KIF26B: variants seen among roughly 807,000 people sequenced by gnomAD.
The protein encoded by KIF26B is kinesin-like protein KIF26B.
A neutral mutation model predicts 151.2 loss-of-function variants in KIF26B; 63 were observed. That is an observed-to-expected ratio of 0.42 (90% CI 0.34 to 0.51). KIF26B has a LOEUF of 0.51. Ranked by LOEUF, KIF26B falls within the 20% of genes least tolerant of loss-of-function variation. KIF26B has a pLI of 0.07. For missense variants in KIF26B, 2,813 were observed against 2,913.6 expected (o/e 0.97, Z 0.79); for synonymous variants, 1,357 against 1,262.1 (o/e 1.08, Z -1.59).
At chr1:245,325,111 A>G (rs1037670511) in intron 2 of KIF26B, among the ~76,000 whole-genome samples, 6 of 131,402 alleles carry the variant, frequency 4.6e-5, no homozygotes, top group South Asian at 2.2e-4. Context: ...AAAAAAAAAA[A>G]GAAAAAAAGA....
chr1:245,394,132 G>T (rs1376502641), intron 3 of KIF26B, among the ~76,000 whole-genome samples: 7 of 152,172 alleles, frequency 4.6e-5, no homozygotes, highest in Non-Finnish European at 7.3e-5. Flanking sequence ...GATCTGCTAA[G>T]TCAGTTACTG....
At chr1:245,366,572 C>T (rs1028540473) in intron 2 of KIF26B, among the ~76,000 whole-genome samples, 5 of 151,354 alleles carry the variant, frequency 3.3e-5, no homozygotes, top group African/African-American at 9.7e-5. Context: ...ACCAGCCTGG[C>T]GAAGAAGATA....
chr1:245,172,100 T>G (rs1668721105), intron 2 of KIF26B, among the ~76,000 whole-genome samples: 1 of 152,068 alleles, frequency 6.6e-6, no homozygotes, highest in Non-Finnish European at 1.5e-5. Context: ...TATCCACTCA[T>G]CTACCTGTCC....
At chr1:245,364,396 C>A (rs1159647633) in intron 2 of KIF26B, among the ~76,000 whole-genome samples, 1 of 148,156 alleles carries the variant, frequency 6.7e-6, no homozygotes, top group African/African-American at 2.5e-5. Context: ...GATGTGCAGA[C>A]ATGACTTCTC....
intron 5 of KIF26B, among the ~76,000 whole-genome samples, chr1:245,567,363 C>T (rs144756482): frequency 5.2e-4 from 79 of 152,312 alleles, no homozygotes; most frequent in African/African-American, 1.8e-3. Flanking sequence ...ACCCTTTCAG[C>T]GTCCAGTGAT....
At chr1:245,163,136 TATCTGGACCTATTACAGG>T (rs1668559989) in intron 2 of KIF26B, among the ~76,000 whole-genome samples, 1 of 152,222 alleles carries the variant, frequency 6.6e-6, no homozygotes, top group Admixed American at 6.5e-5. Context: ...TTTTCAGTTG[TATCTGGACCTATTACAGG>T]ATCTTCTAGA....
At chr1:245,541,878 GGGCCTCAGAA>G (rs1661634212) in intron 5 of KIF26B, among the ~76,000 whole-genome samples, 1 of 152,032 alleles carries the variant, frequency 6.6e-6, no homozygotes, top group Non-Finnish European at 1.5e-5. Flanking sequence ...CTGGGTTTCT[GGGCCTCAGAA>G]GGCCTCTGTC....
chr1:245,577,448 A>G (rs1219729854), intron 5 of KIF26B, among the ~76,000 whole-genome samples: 1 of 152,270 alleles, frequency 6.6e-6, no homozygotes, highest in Non-Finnish European at 1.5e-5. Context: ...GAATTAGTCA[A>G]GAGCACTTCC....
rs1470848549 is a variant in KIF26B, at chr1:245,572,485, C to T, written c.1351-30092C>T. On this transcript the variant is annotated intron_variant, in intron 5 of 14. Coordinates refer to ENST00000407071, the MANE Select transcript of KIF26B (RefSeq NM_018012.4). The surrounding 1 kb of genome is among the most constrained non-coding windows in gnomAD (Gnocchi z 4.2). The stretch of plus-strand genomic sequence containing the variant: ...CCAGCCCATTTTCAGGCACGGTATC[C>T]TGCGCTGCTAGCACCGTAGCCATCA... 1.3e-5 allele frequency among the ~76,000 whole-genome samples: 2 copies of T among 152,150 alleles called. No homozygotes were observed. The highest frequency in any genetic ancestry group is 2.1e-4 in the South Asian group (1 of 4,826).
intron 2 of KIF26B, among the ~76,000 whole-genome samples, chr1:245,235,597 A>T (rs1337506244): frequency 6.6e-6 from 1 of 151,984 alleles, no homozygotes; most frequent in African/African-American, 2.4e-5. Flanking sequence ...AACAAAGAAA[A>T]GAAAAGAAAG....
intron 7 of KIF26B, among the ~76,000 whole-genome samples, 200 bp downstream of exon 7, chr1:245,607,944 C>G (rs142244451): frequency 4.7e-4 from 71 of 152,334 alleles, no homozygotes; most frequent in African/African-American, 1.2e-3. Context: ...TGTAGGAAAG[C>G]CTTCAAGTCC....
intron 6 of KIF26B, 147 bp from the exon 7 acceptor site, chr1:245,607,504 C>T: frequency 3.3e-6 from 2 of 614,398 alleles, no homozygotes; most frequent in South Asian, 4.6e-5. Context: ...CTGAGCATCT[C>T]CAAAACTTCA....
chr1:245,554,913 G>A (rs142839958), intron 5 of KIF26B, among the ~76,000 whole-genome samples: 60 of 152,316 alleles, frequency 3.9e-4, no homozygotes, highest in Middle Eastern at 3.4e-3. Flanking sequence ...CTTCTGGAGA[G>A]AATTCCCCTG....
chr1:245,277,676 C>T (rs1420681026), intron 2 of KIF26B, among the ~76,000 whole-genome samples: 1 of 152,166 alleles, frequency 6.6e-6, no homozygotes, highest in South Asian at 2.1e-4. Context: ...CTAAAAGCTA[C>T]AGGTTGCATT....
chr1:245,248,378 T>G (rs905391008), intron 2 of KIF26B, among the ~76,000 whole-genome samples: 2 of 152,164 alleles, frequency 1.3e-5, no homozygotes, highest in African/African-American at 4.8e-5. Flanking sequence ...CTTCTAGATT[T>G]CTCACACTCC....
At chr1:245,407,125 G>A (rs1442040283) in intron 3 of KIF26B, among the ~76,000 whole-genome samples, 1 of 152,120 alleles carries the variant, frequency 6.6e-6, no homozygotes, top group East Asian at 1.9e-4. Flanking sequence ...AAAGAGGGTG[G>A]CTCAATTTTG....
chr1:245,350,673 C>T (rs1280963199), intron 2 of KIF26B, among the ~76,000 whole-genome samples: 1 of 152,114 alleles, frequency 6.6e-6, no homozygotes, highest in Non-Finnish European at 1.5e-5. Flanking sequence ...TTTTATTGGT[C>T]ACGGAGCACT....
chr1:245,193,176 G>C (rs1669138989), intron 2 of KIF26B, among the ~76,000 whole-genome samples: 1 of 152,160 alleles, frequency 6.6e-6, no homozygotes, highest in Admixed American at 6.5e-5. Flanking sequence ...GTTTGCTTAG[G>C]ATGATGGCCT....
chr1:245,297,130 G>C (rs1558379490), intron 2 of KIF26B, among the ~76,000 whole-genome samples: 1 of 152,112 alleles, frequency 6.6e-6, no homozygotes, highest in Non-Finnish European at 1.5e-5. Context: ...ATCACCAGAG[G>C]TCAGGAGTTC....
Sources: gnomAD v4.1 joint callset for allele counts (sites outside exome capture counted in the v4.1 genomes callset) on GRCh38, gnomAD v4.1.1 for gene constraint, Gnocchi (gnomAD v3.1) non-coding constraint, MANE v1.5 for transcripts, NCBI Gene and HGNC (gene_info 2026-07-23, HGNC 2026-07-21) for gene names.